TBX2: variants seen among roughly 807,000 people sequenced by gnomAD.
TBX2 encodes the protein T-box transcription factor TBX2.
In TBX2, 19 loss-of-function variants were observed where a neutral mutation model predicts 48.4. That is an observed-to-expected ratio of 0.39 (90% CI 0.27 to 0.58). The LOEUF (loss-of-function observed/expected upper bound fraction) is 0.58. TBX2 is among the 20% of genes least tolerant of loss of function. TBX2 has a pLI of 0.54. For synonymous variants in TBX2, 522 were observed against 459.7 expected, an observed-to-expected ratio of 1.14 and a Z score of -1.73; for missense variants, 994 against 1,006.5, an observed-to-expected ratio of 0.99 and a Z score of 0.17.
At position 61,400,935 on chromosome 17, in the gene TBX2, G is replaced by C. The variant is rs1291126792; in HGVS notation, c.395+364G>C. Among the ~76,000 whole-genome samples the C allele has an allele frequency of 1.8e-4, 27 of 152,176 alleles. No homozygotes were observed. Among genetic ancestry groups the C allele is most frequent in the Non-Finnish European group, 5.9e-5 (4 of 68,036 alleles). ...GCGTCCGGGTCCGTCTCCGAGCTCG[G>C]GGGAAATTCAGCCTCTCTCAGACTC... On this transcript the variant is annotated intron_variant, in intron 1 of 6. Coordinates refer to ENST00000240328, the MANE Select transcript of TBX2 (RefSeq NM_005994.4). The surrounding 1 kb of genome is among the most constrained non-coding windows in gnomAD (Gnocchi z 9.2).
rs2060257805 is a variant in TBX2 at position 61,400,200 on chromosome 17, C to G, written c.24C>G (p.Ala8=). The G allele has an allele frequency of 8.6e-7, 1 of 1,165,758 alleles. No homozygotes were observed. Among genetic ancestry groups the G allele is most frequent in the Non-Finnish European group, 1.1e-6 (1 of 927,644 alleles). The allele number at this position is 1,165,758 out of a possible 1,614,324, so 72.2% of individuals were successfully genotyped here. Residue 8 remains alanine, a synonymous_variant, in exon 1 of 7, where the codon GCC becomes GCG. Coordinates refer to ENST00000240328, the MANE Select transcript of TBX2 (RefSeq NM_005994.4). This position sits in a 1 kb window ranked among gnomAD's most constrained non-coding sequence, Gnocchi z 9.2. MREPALA[A]SAMAYHPFHA... is the part of the protein sequence containing the mutation. ...CGATGAGAGAGCCGGCGCTGGCGGC[C>G]AGCGCCATGGCTTACCACCCGTTCC...
rs1186036074 is a variant in TBX2, at chr17:61,400,381, G to A, written c.205G>A (p.Ala69Thr). The change falls in exon 1 of 7, where the codon GCA becomes ACA. Residue 69 changes from alanine (A) to threonine (T), a missense_variant. Ala to Thr is a moderately conservative substitution (Grantham distance 58). Around this residue, in one of 5 missense-constraint regions of TBX2, gnomAD observed 165 missense variants for 136.8 expected, o/e 1.21. Coordinates refer to ENST00000240328, the MANE Select transcript of TBX2 (RefSeq NM_005994.4). This position sits in a 1 kb window ranked among gnomAD's most constrained non-coding sequence, Gnocchi z 9.2. ...GGCGGCCGCGGCGGCGGCGGCGGCA[G>A]CAGCGGCCGAGGCGGGGCTGCACGT... Reference protein sequence around the residue: ...GAAAAAAAAAAAAEAGLHVSA... With the variant: ...GAAAAAAAAATAAEAGLHVSA... 14 of 1,149,350 alleles carry A rather than the reference G, an allele frequency of 1.2e-5. No homozygotes were observed. Among genetic ancestry groups the A allele is most frequent in the African/African-American group, 1.6e-5 (1 of 60,760 alleles). 71.2% of individuals were successfully genotyped at this position (1,149,350 alleles called of 1,614,324 possible).
intron 5 of TBX2, 147 bp from the exon 6 acceptor site, chr17:61,405,055 G>C: frequency 1.4e-6 from 2 of 1,481,166 alleles, no homozygotes; most frequent in Non-Finnish European, 1.8e-6. Flanking sequence ...CTGGGGTCTT[G>C]GATTAGGTGA....
At chr17:61,402,161 G>A (rs2060266254) in intron 2 of TBX2, among the ~76,000 whole-genome samples, 1 of 152,230 alleles carries the variant, frequency 6.6e-6, no homozygotes, top group Admixed American at 6.5e-5. Context: ...GAAATGGTGG[G>A]GTCAGTGGCT....
rs2060271869 is a variant in TBX2 at position 61,403,141 on chromosome 17, C to A, written c.744C>A (p.Ser248Arg). 1.9e-6 allele frequency: 3 copies of A among 1,613,802 alleles called. No individual in the cohort carries two copies. The highest frequency in any genetic ancestry group is 2.5e-6 in the Non-Finnish European group (3 of 1,179,994). The change falls in exon 3 of 7, where the codon AGC (serine) becomes AGA (arginine). Residue 248 changes from serine to arginine, a missense_variant. Coordinates refer to ENST00000240328, the MANE Select transcript of TBX2 (RefSeq NM_005994.4). This position sits in a 1 kb window ranked among gnomAD's most constrained non-coding sequence, Gnocchi z 5.8. ...ACGACATCCTGAAGCTGCCTTACAGCACCTTCCGCACCTACGTGTTCCCGG... is the reference window on the plus strand; with the variant it reads ...ACGACATCCTGAAGCTGCCTTACAGAACCTTCCGCACCTACGTGTTCCCGG... ...RANDILKLPYSTFRTYVFPET... is the reference protein window; with the variant it reads ...RANDILKLPYRTFRTYVFPET...
rs940150403 is a variant in TBX2 at position 61,403,805 on chromosome 17, C to G, written c.810+598C>G. ...CTTGTTCTAGTGGGGCAGAGCATCA[C>G]CCCTCTAGGCCTGTGCCCTTGTGCG... On this transcript the variant is annotated intron_variant, in intron 3 of 6. Transcript: ENST00000240328. This position sits in a 1 kb window ranked among gnomAD's most constrained non-coding sequence, Gnocchi z 5.8. Among the ~76,000 whole-genome samples, 2 of 152,120 alleles carry G rather than the reference C, an allele frequency of 1.3e-5. No individual in the cohort carries two copies. The highest frequency in any genetic ancestry group is 2.9e-5 in the Non-Finnish European group (2 of 68,028).
chr17:61,401,282 A>G (rs1397907055), intron 1 of TBX2, among the ~76,000 whole-genome samples: 2 of 152,004 alleles, frequency 1.3e-5, no homozygotes, highest in Admixed American at 1.3e-4. Flanking sequence ...AACACCCTCC[A>G]GATTTATTTC....
Position 61,407,985 on chromosome 17 carries a change from G to A in TBX2, c.1687-69G>A, listed in dbSNP as rs2060295462. On this transcript the variant is annotated intron_variant, in intron 6 of 6. Coordinates refer to ENST00000240328, the MANE Select transcript of TBX2 (RefSeq NM_005994.4). ...AGAAGGGCACGGTGTCCAGGGGATA[G>A]CACCCAGCCCAACTTCAGAAAGACT... 11 of 1,498,780 alleles carry A rather than the reference G, an allele frequency of 7.3e-6. No individual in the cohort carries two copies. In the South Asian group the frequency reaches 1.3e-4, roughly 18 times the overall value. The allele number at this position is 1,498,780 out of a possible 1,614,324, so 92.8% of individuals were successfully genotyped here.
Position 61,405,626 on chromosome 17 carries a change from C to T in TBX2, c.1476C>T (p.His492=), listed in dbSNP as rs540055767. Reference sequence around the variant, plus strand: ...GAGCCGGCCAGCCGCTCTTCCTGCACCCTGGACAGTTCACCATGGGCCCTG... The same window carrying T: ...GAGCCGGCCAGCCGCTCTTCCTGCATCCTGGACAGTTCACCATGGGCCCTG... ...PLGAGQPLFL[H]PGQFTMGPGA... The change falls in exon 6 of 7, where the codon CAC becomes CAT. Residue 492 remains histidine, a synonymous_variant. Coordinates refer to ENST00000240328, the MANE Select transcript of TBX2 (RefSeq NM_005994.4). The T allele has an allele frequency of 6.3e-5, 99 of 1,567,000 alleles. No individual in the cohort carries two copies. Among genetic ancestry groups the T allele is most frequent in the Middle Eastern group, 3.4e-4 (2 of 5,928 alleles).
rs1421160065 is a variant in TBX2, at chr17:61,400,271, C to T, written c.95C>T (p.Ala32Val). Residue 32 changes from alanine to valine, a missense_variant, in exon 1 of 7, where the codon GCG becomes GTG. By Grantham distance (64) the Ala-to-Val change is moderately conservative (BLOSUM62 0). Coordinates refer to ENST00000240328, the MANE Select transcript of TBX2 (RefSeq NM_005994.4). This position sits in a 1 kb window ranked among gnomAD's most constrained non-coding sequence, Gnocchi z 9.2. ...ADFPMSAFLAAAQPSFFPALA... is the reference protein window; with the variant it reads ...ADFPMSAFLAVAQPSFFPALA... ...TTCCCCATGTCCGCCTTTCTGGCGGCGGCGCAGCCCTCCTTCTTCCCGGCA... is the reference window on the plus strand; with the variant it reads ...TTCCCCATGTCCGCCTTTCTGGCGGTGGCGCAGCCCTCCTTCTTCCCGGCA... 1.7e-6 allele frequency: 2 copies of T among 1,186,640 alleles called. No homozygotes were observed. The highest frequency in any genetic ancestry group is 1.7e-5 in the South Asian group (1 of 59,326). 73.5% of individuals were successfully genotyped at this position (1,186,640 alleles called of 1,614,324 possible).
chr17:61,401,626 G>A (rs578055380), intron 1 of TBX2, 58 bp from the exon 2 acceptor site: 1 of 1,559,832 alleles, frequency 6.4e-7, no homozygotes, highest in East Asian at 2.3e-5. Flanking sequence ...GAGGAGTGGG[G>A]TCCTGGAACC....
At position 61,408,209 on chromosome 17, in the gene TBX2, T is replaced by C; in HGVS notation, c.1842T>C (p.Ser614=). 1 of 1,612,898 alleles carries C rather than the reference T, an allele frequency of 6.2e-7. No homozygotes were observed. Among genetic ancestry groups the C allele is most frequent in the Non-Finnish European group, 8.5e-7 (1 of 1,179,888 alleles). The change falls in exon 7 of 7, where the codon AGT becomes AGC. Residue 614 remains serine (S), a synonymous_variant. Transcript: ENST00000240328. ...TCTCCCGGAGCCCCTTCCTGGGCAG[T>C]GCCCGGCCCCGACTGCGTTTCAGCC... ...GSLSRSPFLG[S]ARPRLRFSPY... is the part of the protein sequence containing the mutation.
At position 61,405,522 on chromosome 17, in the gene TBX2, T is replaced by C; in HGVS notation, c.1372T>C (p.Ser458Pro). 6.3e-7 allele frequency: 1 copy of C among 1,586,618 alleles called. No individual in the cohort carries two copies. Among genetic ancestry groups the C allele is most frequent in the Non-Finnish European group, 8.5e-7 (1 of 1,169,764 alleles). ...APLVVQTDSA[S>P]PLGAGHLPGL... is the part of the protein sequence containing the mutation. ...GCTGGTGGTGCAGACAGACAGTGCGTCCCCCCTGGGCGCCGGACACCTGCC... is the reference window on the plus strand; with the variant it reads ...GCTGGTGGTGCAGACAGACAGTGCGCCCCCCCTGGGCGCCGGACACCTGCC... The change falls in exon 6 of 7, where the codon TCC (serine) becomes CCC (proline). Residue 458 changes from serine to proline, a missense_variant. Coordinates refer to ENST00000240328, the MANE Select transcript of TBX2 (RefSeq NM_005994.4).
At chr17:61,402,725 G>GT (rs940561591) in intron 2 of TBX2, among the ~76,000 whole-genome samples, 3 of 151,712 alleles carry the variant, frequency 2.0e-5, no homozygotes, top group African/African-American at 7.3e-5. Context: ...GGGAGGGGTT[G>GT]TTTTTTGGTT....
rs1173433081 is a variant in TBX2 at position 61,403,305 on chromosome 17, G to A, written c.810+98G>A. ...CATCGCCCCTCGAAGCCCCCTGCAC[G>A]GGATCCGCGCTCTTGCGGCCCGCCC... On this transcript the variant is annotated intron_variant, in intron 3 of 6. Transcript: ENST00000240328. This position sits in a 1 kb window ranked among gnomAD's most constrained non-coding sequence, Gnocchi z 5.8. 3.3e-6 allele frequency: 5 copies of A among 1,531,172 alleles called. No homozygotes were observed. Among genetic ancestry groups the A allele is most frequent in the East Asian group, 2.4e-5 (1 of 41,778 alleles). 94.8% of individuals were successfully genotyped at this position (1,531,172 alleles called of 1,614,324 possible). A position where few individuals can be genotyped will look rare whatever the true frequency, so the allele number is the denominator to read the frequency against.
At position 61,408,422 on chromosome 17, in the gene TBX2, C is replaced by A; in HGVS notation, c.2055C>A (p.Ala685=). The change falls in exon 7 of 7, where the codon GCC becomes GCA. Residue 685 remains alanine, a synonymous_variant. Coordinates refer to ENST00000240328, the MANE Select transcript of TBX2 (RefSeq NM_005994.4). ...LSPSGSAKEA[A]NELQSIQRLV... The stretch of plus-strand genomic sequence containing the variant: ...CCAGTGGCTCGGCCAAGGAGGCGGC[C>A]AATGAACTGCAGAGCATCCAGAGAC... The A allele has an allele frequency of 6.5e-7, 1 of 1,536,020 alleles. No homozygotes were observed. Among genetic ancestry groups the A allele is most frequent in the Non-Finnish European group, 8.8e-7 (1 of 1,140,180 alleles).
At position 61,400,070 on chromosome 17, in the gene TBX2, C is replaced by A; in HGVS notation, c.-107C>A. 2 of 492,578 alleles carry A rather than the reference C, an allele frequency of 4.1e-6. No homozygotes were observed. Among genetic ancestry groups the A allele is most frequent in the Non-Finnish European group, 5.2e-6 (2 of 381,374 alleles). 30.5% of individuals were successfully genotyped at this position (492,578 alleles called of 1,614,324 possible). A position where few individuals can be genotyped will look rare whatever the true frequency, so the allele number is the denominator to read the frequency against. On this transcript the variant is annotated 5_prime_UTR_variant, in exon 1 of 7. Transcript: ENST00000240328. The surrounding 1 kb of genome is among the most constrained non-coding windows in gnomAD (Gnocchi z 9.2). ...CCCGAGGAGCAGCTGCTGCGCCCGC[C>A]ACCCGGGTCGTCCGTCCACCGCGCG...
Position 61,404,753 on chromosome 17 carries a change from C to A in TBX2, c.1035C>A (p.Arg345=), listed in dbSNP as rs761706243. The A allele has an allele frequency of 6.5e-7, 1 of 1,548,686 alleles. No individual in the cohort carries two copies. The highest frequency in any genetic ancestry group is 8.7e-7 in the Non-Finnish European group (1 of 1,149,642). ...TSPGAAPSPL[R]LHRARAEEKS... ...CGGGCGCAGCGCCCAGTCCGCTGCG[C>A]CTGCACCGGGCCCGAGGTGAGGGTC... The change falls in exon 5 of 7, where the codon CGC becomes CGA. Residue 345 remains arginine (R), a synonymous_variant. Coordinates refer to ENST00000240328, the MANE Select transcript of TBX2 (RefSeq NM_005994.4).
At chr17:61,404,572 T>TC (rs934360104) in intron 4 of TBX2, 34 bp from the exon 5 acceptor site, 1 of 1,594,148 alleles carries the variant, frequency 6.3e-7, no homozygotes, top group African/African-American at 1.3e-5. Flanking sequence ...AGGGATGGGC[T>TC]CCCCGCTGAC....
Sources: allele counts gnomAD v4.1 joint callset (sites outside exome capture counted in the v4.1 genomes callset), GRCh38; gene constraint gnomAD v4.1.1; regional missense constraint gnomAD v4.1.1; non-coding constraint Gnocchi (gnomAD v3.1); transcripts MANE v1.5; gene names NCBI Gene and HGNC (gene_info 2026-07-23, HGNC 2026-07-21).